Variants in FRMD4B observed in about 807,000 individuals in gnomAD.
FRMD4B encodes the protein FERM domain-containing protein 4B.
A neutral mutation model predicts 141.5 loss-of-function variants in FRMD4B; 74 were observed. That is an observed-to-expected ratio of 0.52 (90% CI 0.43 to 0.63). The LOEUF (loss-of-function observed/expected upper bound fraction) is 0.63. FRMD4B is among the 30% of genes least tolerant of loss of function. The probability of loss-of-function intolerance (pLI) is 0.00; values close to 1 mark genes in which losing one functional copy is unlikely to be tolerated. For missense variants in FRMD4B, 1,366 were observed against 1,253.4 expected (o/e 1.09, Z -1.36); for synonymous variants, 506 against 467.9 (o/e 1.08, Z -1.05).
chr3:69,350,168 T>C (rs182512269), intron 1 of FRMD4B, among the ~76,000 whole-genome samples: 1 of 152,218 alleles, frequency 6.6e-6, no homozygotes, highest in Admixed American at 6.5e-5. Flanking sequence ...GCAAAGGATA[T>C]GAACAGACGC....
intron 1 of FRMD4B, among the ~76,000 whole-genome samples, chr3:69,356,909 G>T (rs1042215515): frequency 1.3e-5 from 2 of 152,116 alleles, no homozygotes; most frequent in Non-Finnish European, 2.9e-5. Flanking sequence ...CAGTTACTGA[G>T]TCTATAATTT....
chr3:69,290,567 C>CAA (rs1700840914), intron 4 of FRMD4B, among the ~76,000 whole-genome samples: 1 of 152,180 alleles, frequency 6.6e-6, no homozygotes, highest in Admixed American at 6.5e-5. Context: ...TCTTGGCTTT[C>CAA]CCATGCATTT....
chr3:69,364,874 A>T (rs200111551), intron 1 of FRMD4B, among the ~76,000 whole-genome samples: 15 of 94,562 alleles, frequency 1.6e-4, no homozygotes, highest in African/African-American at 5.3e-4. Context: ...TTGTTTTTTT[A>T]AAAAAATAAA....
At chr3:69,491,403 A>T (rs948879250) in intron 1 of FRMD4B, among the ~76,000 whole-genome samples, 1 of 152,216 alleles carries the variant, frequency 6.6e-6, no homozygotes, top group African/African-American at 2.4e-5. Flanking sequence ...TAAGATGAGA[A>T]GAAAATGTTT....
intron 1 of FRMD4B, among the ~76,000 whole-genome samples, chr3:69,350,338 G>C (rs1159371418): frequency 2.0e-5 from 3 of 152,166 alleles, no homozygotes; most frequent in Non-Finnish European, 4.4e-5. Context: ...GTGCTGGAGA[G>C]GATGTGGAGA....
intron 5 of FRMD4B, among the ~76,000 whole-genome samples, chr3:69,259,551 C>A (rs1454065907): frequency 6.6e-6 from 1 of 152,184 alleles, no homozygotes; most frequent in African/African-American, 2.4e-5. Context: ...TTCTTAAATT[C>A]ATATGTCTGT....
At chr3:69,322,531 G>A (rs565958091) in intron 1 of FRMD4B, among the ~76,000 whole-genome samples, 1 of 151,692 alleles carries the variant, frequency 6.6e-6, no homozygotes, top group South Asian at 2.1e-4. Context: ...CATGTGTAGT[G>A]ACTTCTTTCA....
intron 1 of FRMD4B, among the ~76,000 whole-genome samples, chr3:69,535,052 T>G (rs187033645): frequency 1.0e-3 from 157 of 152,360 alleles, no homozygotes; most frequent in African/African-American, 3.7e-3. Context: ...TTTTGTCATT[T>G]AATCCTCCAA....
At chr3:69,364,300 A>G (rs538890108) in intron 1 of FRMD4B, among the ~76,000 whole-genome samples, 7 of 152,362 alleles carry the variant, frequency 4.6e-5, no homozygotes, top group African/African-American at 1.7e-4. Context: ...AAGTTTAGCC[A>G]AGCTGAACCA....
chr3:69,392,065 T>A (rs181458791), intron 2 of FRMD4B, among the ~76,000 whole-genome samples: 2 of 152,340 alleles, frequency 1.3e-5, no homozygotes, highest in East Asian at 3.9e-4. Flanking sequence ...TGACTATTTG[T>A]CTTAACGGTG....
intron 19 of FRMD4B, among the ~76,000 whole-genome samples, chr3:69,185,511 C>T (rs1220202938): frequency 6.6e-6 from 1 of 151,986 alleles, no homozygotes; most frequent in Non-Finnish European, 1.5e-5. Flanking sequence ...ATAACATGTT[C>T]ACTGAAATCA....
chr3:69,487,891 C>T (rs550503378), intron 1 of FRMD4B, among the ~76,000 whole-genome samples: 6 of 152,282 alleles, frequency 3.9e-5, no homozygotes, highest in African/African-American at 1.2e-4. Context: ...TGAGAAATCA[C>T]TACCCTTGAA....
intron 7 of FRMD4B, among the ~76,000 whole-genome samples, chr3:69,228,842 A>AT (rs946014865): frequency 1.3e-5 from 2 of 151,776 alleles, no homozygotes; most frequent in Non-Finnish European, 2.9e-5. Flanking sequence ...ATTTAAAAAA[A>AT]AAAAAAAAGA....
At chr3:69,408,517 T>A (rs1704693627) in intron 2 of FRMD4B, among the ~76,000 whole-genome samples, 1 of 152,086 alleles carries the variant, frequency 6.6e-6, no homozygotes, top group African/African-American at 2.4e-5. Flanking sequence ...TTGGAGAACA[T>A]ATTAGTTAAG....
intron 5 of FRMD4B, among the ~76,000 whole-genome samples, chr3:69,267,591 GTGTGTATATATATATATATATA>G (rs1245462108): frequency 8.2e-5 from 8 of 98,144 alleles, no homozygotes; most frequent in African/African-American, 3.1e-4. Context: ...GTGTGTGTGT[GTGTGTATATATATATATATATA>G]TATATATATA....
At chr3:69,315,466 C>A (rs1701772680) in intron 1 of FRMD4B, among the ~76,000 whole-genome samples, 2 of 151,972 alleles carry the variant, frequency 1.3e-5, no homozygotes, top group Non-Finnish European at 2.9e-5. Flanking sequence ...GTGAGTGTAA[C>A]CATCCAGAAA....
intron 5 of FRMD4B, among the ~76,000 whole-genome samples, chr3:69,265,511 C>T (rs1200789355): frequency 5.9e-5 from 8 of 135,832 alleles, no homozygotes; most frequent in Non-Finnish European, 9.3e-5. Flanking sequence ...TGCAGTGGCG[C>T]GATCTCGGCT....
intron 1 of FRMD4B, among the ~76,000 whole-genome samples, chr3:69,327,668 C>T (rs1057178274): frequency 2.6e-5 from 4 of 152,132 alleles, no homozygotes; most frequent in South Asian, 2.1e-4. Flanking sequence ...TTAAAACAAA[C>T]GGATTGTATT....
intron 1 of FRMD4B, among the ~76,000 whole-genome samples, chr3:69,530,347 T>C (rs1025772722): frequency 2.6e-5 from 4 of 152,236 alleles, no homozygotes; most frequent in African/African-American, 9.6e-5. Flanking sequence ...GAATGAGTTC[T>C]CACTCTATTG....
Sources: gnomAD v4.1 joint callset for allele counts (sites outside exome capture counted in the v4.1 genomes callset) on GRCh38, gnomAD v4.1.1 for gene constraint, MANE v1.5 for transcripts, NCBI Gene and HGNC (gene_info 2026-07-23, HGNC 2026-07-21) for gene names.